Variants in TRAF3IP1 observed in about 807,000 individuals in gnomAD.
TRAF3IP1 encodes intraflagellar transport 54.
Under a neutral mutation model 89.9 loss-of-function variants are expected in TRAF3IP1, and 53 were observed. The observed-to-expected ratio is 0.59, with a 90% CI of 0.47 to 0.74. The LOEUF is 0.74. Among genes scored for constraint, TRAF3IP1 ranks in the 30% least tolerant of loss-of-function variants. The pLI, the probability that TRAF3IP1 is intolerant of heterozygous loss-of-function variation, is 0.00. For missense variants in TRAF3IP1, 806 were observed against 866.1 expected (o/e 0.93, Z 0.87); for synonymous variants, 311 against 322.1 (o/e 0.97, Z 0.37).
rs748263137 is a variant in TRAF3IP1, at chr2:238,345,986, C to T, written c.1261+1388C>T. 4.6e-5 allele frequency among the ~76,000 whole-genome samples: 7 copies of T among 152,130 alleles called. No individual in the cohort carries two copies. The highest frequency in any genetic ancestry group is 9.7e-5 in the African/African-American group (4 of 41,420). On this transcript the variant is annotated intron_variant, in intron 9 of 16. Transcript: ENST00000373327. The surrounding 1 kb of genome is among the most constrained non-coding windows in gnomAD (Gnocchi z 4.7). ...CTGTGCTGACTTTCCTTCTGGGTAT[C>T]GGCCTTGTGGTTGAATAACTGCACC...
intron 15 of TRAF3IP1, among the ~76,000 whole-genome samples, chr2:238,366,968 C>T (rs1042905524): frequency 3.6e-4 from 54 of 151,844 alleles, no homozygotes; most frequent in African/African-American, 1.3e-3. Context: ...TTGAGACCAT[C>T]CTGGCTAACA....
rs535270193 is a variant in TRAF3IP1, at chr2:238,391,878, A to T, written c.1690-5581A>T. On this transcript the variant is annotated intron_variant, in intron 15 of 16. Transcript: ENST00000373327. ...ATAGTCATTATGAATGGGTTTTAAT[A>T]GAAGTTTGAATTTCTTAACTAAGTC... 1.4e-3 allele frequency among the ~76,000 whole-genome samples: 216 copies of T among 152,380 alleles called. 1 individual carries two copies. The highest frequency in any genetic ancestry group is 2.6e-3 in the Non-Finnish European group (176 of 68,044).
intron 1 of TRAF3IP1, among the ~76,000 whole-genome samples, chr2:238,322,415 G>C (rs1405569677): frequency 6.6e-6 from 1 of 152,194 alleles, no homozygotes; most frequent in Admixed American, 6.5e-5. Flanking sequence ...TGGGCTGGGT[G>C]CTGTGGCTCA....
At chr2:238,340,077 T>C (rs1325425433) in intron 8 of TRAF3IP1, among the ~76,000 whole-genome samples, 1 of 151,970 alleles carries the variant, frequency 6.6e-6, no homozygotes, top group Non-Finnish European at 1.5e-5. Context: ...TTGGGAACAG[T>C]GGCCAGGAGC....
At chr2:238,326,720 C>T (rs1697853461) in intron 3 of TRAF3IP1, among the ~76,000 whole-genome samples, 1 of 152,042 alleles carries the variant, frequency 6.6e-6, no homozygotes, top group South Asian at 2.1e-4. Context: ...TTTCACATAC[C>T]TAGTGGGTGG....
At chr2:238,349,618 A>G (rs1241479832) in intron 12 of TRAF3IP1, among the ~76,000 whole-genome samples, 1 of 152,246 alleles carries the variant, frequency 6.6e-6, no homozygotes. Flanking sequence ...TACATGTAAA[A>G]TACATCTTCA....
chr2:238,331,885 T>G (rs1698144450), intron 5 of TRAF3IP1, among the ~76,000 whole-genome samples: 1 of 152,186 alleles, frequency 6.6e-6, no homozygotes, highest in African/African-American at 2.4e-5. Context: ...CTTTGTCCTC[T>G]TCCCCATTTT....
rs1013240295 is a variant in TRAF3IP1, at chr2:238,366,442, GA to G, written c.1689+10371del. 3.3e-4 allele frequency among the ~76,000 whole-genome samples: 50 copies of G among 149,550 alleles called. No homozygotes were observed. The East Asian group carries it at 9.0e-3, about 27-fold the overall frequency. ...AGGATAAAATATGAGTTCTTTACCT[GA>G]AAAAAAAATAGATACACATATAAAT... On this transcript the variant is annotated intron_variant, in intron 15 of 16. Coordinates refer to ENST00000373327, the MANE Select transcript of TRAF3IP1 (RefSeq NM_015650.4).
intron 5 of TRAF3IP1, 44 bp from the exon 6 acceptor site, chr2:238,332,780 G>A: frequency 7.1e-7 from 1 of 1,404,912 alleles, no homozygotes; most frequent in Non-Finnish European, 1.0e-6. Context: ...AGATATTATG[G>A]ATTGGAATAA....
intron 15 of TRAF3IP1, among the ~76,000 whole-genome samples, chr2:238,377,390 G>A (rs1664516274): frequency 8.3e-6 from 1 of 120,094 alleles, no homozygotes; most frequent in African/African-American, 3.1e-5. Flanking sequence ...ACTCTGCCTG[G>A]CTAAGTTTTT....
intron 15 of TRAF3IP1, among the ~76,000 whole-genome samples, chr2:238,359,347 C>A (rs1003057598): frequency 6.6e-6 from 1 of 152,220 alleles, no homozygotes; most frequent in African/African-American, 2.4e-5. Flanking sequence ...TCCTCCAGCC[C>A]ATCTCCATGT....
chr2:238,377,978 A>G (rs1177730835), intron 15 of TRAF3IP1, among the ~76,000 whole-genome samples: 2 of 152,032 alleles, frequency 1.3e-5, no homozygotes, highest in Admixed American at 1.3e-4. Context: ...GAACTCTTTA[A>G]TATTTGCTCT....
chr2:238,336,489 A>C (rs559975326), intron 7 of TRAF3IP1, among the ~76,000 whole-genome samples: 1 of 152,110 alleles, frequency 6.6e-6, no homozygotes, highest in Non-Finnish European at 1.5e-5. Context: ...GCTCAAGGGG[A>C]TGAATGAGAC....
In TRAF3IP1 at chr2:238,364,877, G is replaced by T. The variant is rs558693666; in HGVS notation, c.1689+8797G>T. 2.0e-5 allele frequency among the ~76,000 whole-genome samples: 3 copies of T among 152,244 alleles called. No homozygotes were observed. The South Asian group carries it at 6.2e-4, about 32-fold the overall frequency. ...GAACAGGTGGGCATGTATTGAATTT[G>T]ACCTGCATATATGTTTTTTGTTGCC... On this transcript the variant is annotated intron_variant, in intron 15 of 16. Coordinates refer to ENST00000373327, the MANE Select transcript of TRAF3IP1 (RefSeq NM_015650.4).
chr2:238,355,188 T>A (rs1699354110), intron 14 of TRAF3IP1, among the ~76,000 whole-genome samples: 2 of 152,186 alleles, frequency 1.3e-5, no homozygotes, highest in Non-Finnish European at 2.9e-5. Context: ...CAAAACCAGG[T>A]ATAATCAGAA....
intron 15 of TRAF3IP1, among the ~76,000 whole-genome samples, chr2:238,384,543 T>C (rs1294299271): frequency 6.7e-6 from 1 of 150,004 alleles, no homozygotes; most frequent in Admixed American, 6.6e-5. Context: ...TGGCTAATTT[T>C]TTTTTTTTTT....
At chr2:238,339,812 C>T (rs1460215324) in intron 8 of TRAF3IP1, among the ~76,000 whole-genome samples, 2 of 152,266 alleles carry the variant, frequency 1.3e-5, no homozygotes, top group Non-Finnish European at 2.9e-5. Flanking sequence ...GGCGAGACAG[C>T]GCTCATCCTG....
chr2:238,392,796 G>A (rs541228493), intron 15 of TRAF3IP1, among the ~76,000 whole-genome samples: 2 of 152,056 alleles, frequency 1.3e-5, no homozygotes, highest in Non-Finnish European at 2.9e-5. Flanking sequence ...GGCTGGTCTC[G>A]AACTCCTGAC....
chr2:238,320,587 G>C lies in TRAF3IP1; in HGVS notation c.-76G>C. 2 of 1,091,058 alleles carry C rather than the reference G, an allele frequency of 1.8e-6. No homozygotes were observed. Among genetic ancestry groups the C allele is most frequent in the Non-Finnish European group, 2.2e-6 (2 of 896,462 alleles). 67.6% of individuals were successfully genotyped at this position (1,091,058 alleles called of 1,614,324 possible). On this transcript the variant is annotated 5_prime_UTR_variant, in exon 1 of 17. Coordinates refer to ENST00000373327, the MANE Select transcript of TRAF3IP1 (RefSeq NM_015650.4). ...GGCGGCGGCGGCGGCGGGGCCGGCG[G>C]CGGCCAGGGACCCGGGCTTAGGCTC...
Sources: gnomAD v4.1 joint callset for allele counts (sites outside exome capture counted in the v4.1 genomes callset) on GRCh38, gnomAD v4.1.1 for gene constraint, Gnocchi (gnomAD v3.1) non-coding constraint, MANE v1.5 for transcripts, NCBI Gene and HGNC (gene_info 2026-07-23, HGNC 2026-07-21) for gene names.